Variants in CWH43 observed in about 807,000 individuals in gnomAD.
CWH43 encodes the protein PGAP2-interacting protein.
In CWH43, 91 loss-of-function variants were observed where a neutral mutation model predicts 85.7. The observed-to-expected ratio is 1.06, with a 90% CI of 0.90 to 1.26. The LOEUF is 1.26. Among genes scored for constraint, CWH43 ranks in the 50% most tolerant of loss-of-function variants. The pLI is 0.00. For missense variants in CWH43, 869 were observed against 839.2 expected, an observed-to-expected ratio of 1.04 and a Z score of -0.44; for synonymous variants, 323 against 293.6, an observed-to-expected ratio of 1.10 and a Z score of -1.02.
At chr4:49,015,666 A>G (rs1236257973) in intron 8 of CWH43, among the ~76,000 whole-genome samples, 5 of 152,058 alleles carry the variant, frequency 3.3e-5, no homozygotes, top group African/African-American at 1.2e-4. Context: ...TTTGACTCCA[A>G]TTAGATATGT....
intron 8 of CWH43, among the ~76,000 whole-genome samples, chr4:49,008,066 G>C (rs1041575267): frequency 2.0e-5 from 3 of 152,196 alleles, no homozygotes; most frequent in Non-Finnish European, 4.4e-5. Context: ...CACAATGGTT[G>C]AACTTATTTA....
At chr4:49,010,474 CT>C (rs1783320102) in intron 8 of CWH43, among the ~76,000 whole-genome samples, 3 of 152,066 alleles carry the variant, frequency 2.0e-5, no homozygotes, top group Admixed American at 6.6e-5. Flanking sequence ...TCTCTATCTC[CT>C]TTCGTTCTGC....
At chr4:48,988,356 T>A (rs1445040587) in intron 1 of CWH43, 121 bp from the exon 2 acceptor site, 2 of 669,090 alleles carry the variant, frequency 3.0e-6, no homozygotes, top group Non-Finnish European at 4.8e-6. Context: ...TGGAACCCAG[T>A]TCAGGCCAGA....
At chr4:49,059,006 T>G (rs533473039) in intron 15 of CWH43, among the ~76,000 whole-genome samples, 2 of 152,314 alleles carry the variant, frequency 1.3e-5, no homozygotes, top group East Asian at 3.9e-4. Flanking sequence ...ATGTGAATCT[T>G]CCTCTCCAAA....
At chr4:49,061,125 A>C (rs1197938979) in intron 15 of CWH43, among the ~76,000 whole-genome samples, 1 of 152,162 alleles carries the variant, frequency 6.6e-6, no homozygotes, top group African/African-American at 2.4e-5. Context: ...AGGAATTCTT[A>C]TCTGTTTGAG....
At chr4:48,988,438 A>C (rs753120458) in intron 1 of CWH43, 39 bp from the exon 2 acceptor site, 22 of 1,479,732 alleles carry the variant, frequency 1.5e-5, no homozygotes, top group Non-Finnish European at 1.9e-5. Context: ...ACAATGTTGA[A>C]GTTACACTTT....
intron 9 of CWH43, among the ~76,000 whole-genome samples, chr4:49,019,263 C>T (rs559328053): frequency 6.6e-6 from 1 of 152,082 alleles, no homozygotes; most frequent in South Asian, 2.1e-4. Flanking sequence ...TGGAGGGTAA[C>T]TGGGTATGGG....
At chr4:49,022,381 G>A (rs1783779567) in intron 9 of CWH43, among the ~76,000 whole-genome samples, 1 of 152,124 alleles carries the variant, frequency 6.6e-6, no homozygotes, top group African/African-American at 2.4e-5. Flanking sequence ...AACCATCCCT[G>A]CATCCCTGAT....
In CWH43 at chr4:49,038,158, T is replaced by C. The variant is rs768404424; in HGVS notation, c.1781T>C (p.Leu594Pro). The change falls in exon 13 of 16, where the codon CTC (leucine) becomes CCC (proline). Residue 594 changes from leucine (L) to proline (P), a missense_variant. By Grantham distance (98) the Leu-to-Pro change is moderately conservative. Transcript: ENST00000226432. ...CCTGGCTCCAGAGATTATCTACAGCTCACTGAACATGGCAATGTGAAGGTA... is the reference window on the plus strand; with the variant it reads ...CCTGGCTCCAGAGATTATCTACAGCCCACTGAACATGGCAATGTGAAGGTA... ...SAPGSRDYLQ[L>P]TEHGNVKDID... 2 of 1,598,358 alleles carry C rather than the reference T, an allele frequency of 1.3e-6. No individual in the cohort carries two copies. Among genetic ancestry groups the C allele is most frequent in the African/African-American group, 1.3e-5 (1 of 74,404 alleles).
Position 48,998,480 on chromosome 4 carries a change from T to G in CWH43, c.734T>G (p.Leu245Trp). 1 of 1,613,872 alleles carries G rather than the reference T, an allele frequency of 6.2e-7. No homozygotes were observed. Among genetic ancestry groups the G allele is most frequent in the South Asian group, 1.1e-5 (1 of 91,076 alleles). The change falls in exon 6 of 16, where the codon TTG (leucine) becomes TGG (tryptophan). Residue 245 changes from leucine to tryptophan, a missense_variant. By Grantham distance (61) the Leu-to-Trp change is moderately conservative. Coordinates refer to ENST00000226432, the MANE Select transcript of CWH43 (RefSeq NM_025087.3). ...NPFGGAVLLCLASGLMLPSCL... is the reference protein window; with the variant it reads ...NPFGGAVLLCWASGLMLPSCL... ...CACAGAGGTGCAGTACTGCTGTGCT[T>G]GGCAAGTGGATTGATGCTTCCATCT...
intron 6 of CWH43, among the ~76,000 whole-genome samples, chr4:48,999,187 G>T (rs1348640835): frequency 6.6e-6 from 1 of 152,140 alleles, no homozygotes; most frequent in Non-Finnish European, 1.5e-5. Flanking sequence ...TTGGTTTTCT[G>T]TTCCTGCATT....
At chr4:49,004,061 T>C in intron 7 of CWH43, 69 bp downstream of exon 7, 1 of 1,385,036 alleles carries the variant, frequency 7.2e-7, no homozygotes, top group Non-Finnish European at 9.6e-7. Flanking sequence ...GACCAGGATT[T>C]AGCACTTTAT....
chr4:48,987,348 T>C (rs1355749998), intron 1 of CWH43, among the ~76,000 whole-genome samples: 2 of 152,040 alleles, frequency 1.3e-5, no homozygotes, highest in Non-Finnish European at 2.9e-5. Flanking sequence ...CCAACAACAC[T>C]GTGAAGGGGT....
chr4:49,055,727 T>C (rs1175673929), intron 15 of CWH43, among the ~76,000 whole-genome samples: 2 of 152,006 alleles, frequency 1.3e-5, no homozygotes, highest in Admixed American at 6.6e-5. Context: ...GTAGCTGCGA[T>C]TATAGGCGCC....
rs1416902359 is a variant in CWH43 at position 49,034,702 on chromosome 4, C to T, written c.1658+1987C>T. ...TGGGATTCCAGAACCTGGAATCAGA[C>T]AATCTGGTTTGAAATCTAATTCATT... On this transcript the variant is annotated intron_variant, in intron 12 of 15. Transcript: ENST00000226432. Among the ~76,000 whole-genome samples, 2 of 152,092 alleles carry T rather than the reference C, an allele frequency of 1.3e-5. 1 individual carries two copies. The highest frequency in any genetic ancestry group is 4.1e-4 in the South Asian group (2 of 4,826).
At chr4:49,061,470 A>AT (rs1355307782) in intron 15 of CWH43, among the ~76,000 whole-genome samples, 2 of 152,218 alleles carry the variant, frequency 1.3e-5, no homozygotes, top group Non-Finnish European at 2.9e-5. Flanking sequence ...GCCAAAATAG[A>AT]TTTTTATATG....
chr4:49,003,808 C>T lies in CWH43; in HGVS notation c.876C>T (p.Ile292=), dbSNP rs1339206046. Residue 292 remains isoleucine, a synonymous_variant, in exon 7 of 16, where the codon ATC becomes ATT. Coordinates refer to ENST00000226432, the MANE Select transcript of CWH43 (RefSeq NM_025087.3). The stretch of plus-strand genomic sequence containing the variant: ...CTGTGTCTGGCTGTGTCTTCGCCAT[C>T]TTTACTGCATCCATGTGGCCCCAAA... The part of the protein sequence containing the change: ...AAAVSGCVFA[I]FTASMWPQTL... The T allele has an allele frequency of 1.2e-5, 20 of 1,614,016 alleles. No individual in the cohort carries two copies. The highest frequency in any genetic ancestry group is 1.7e-5 in the Non-Finnish European group (20 of 1,179,926).
rs867245462 is a variant in CWH43 at position 49,044,894 on chromosome 4, T to C, written c.1865+47T>C. The C allele has an allele frequency of 4.0e-6, 6 of 1,483,168 alleles. No individual in the cohort carries two copies. In the Middle Eastern group the frequency reaches 8.7e-4, roughly 215 times the overall value. The allele number at this position is 1,483,168 out of a possible 1,614,324, so 91.9% of individuals were successfully genotyped here. A position where few individuals can be genotyped will look rare whatever the true frequency, so the allele number is the denominator to read the frequency against. On this transcript the variant is annotated intron_variant, in intron 14 of 15. Transcript: ENST00000226432. ...TGTTTTTAATCTATTATTAATGTGA[T>C]CTTTTGGGTCTGTCTGAGAAGGAAA...
intron 13 of CWH43, among the ~76,000 whole-genome samples, chr4:49,040,015 G>A (rs1268057166): frequency 2.6e-5 from 4 of 152,006 alleles, no homozygotes; most frequent in East Asian, 1.9e-4. Context: ...TTCTCCTTGC[G>A]ATAGTTTGCT....
Sources: allele counts gnomAD v4.1 joint callset (sites outside exome capture counted in the v4.1 genomes callset), GRCh38; gene constraint gnomAD v4.1.1; transcripts MANE v1.5; gene names NCBI Gene and HGNC (gene_info 2026-07-23, HGNC 2026-07-21).